The following STXBP5L variants were observed in gnomAD, a reference collection of about 807,000 sequenced individuals.
STXBP5L encodes syntaxin binding protein 5L.
STXBP5L carries 65 observed loss-of-function variants against 144.5 expected under a neutral mutation model. That is an observed-to-expected ratio of 0.45 (90% CI 0.37 to 0.55). The LOEUF (loss-of-function observed/expected upper bound fraction) is 0.55. STXBP5L is among the 20% of genes least tolerant of loss of function. The pLI is 0.00. For missense variants in STXBP5L, 1,298 were observed against 1,405.5 expected, an observed-to-expected ratio of 0.92 and a Z score of 1.22; for synonymous variants, 505 against 469.6, an observed-to-expected ratio of 1.08 and a Z score of -0.97.
At chr3:121,374,791 G>A (rs1251906648) in intron 20 of STXBP5L, among the ~76,000 whole-genome samples, 2 of 151,946 alleles carry the variant, frequency 1.3e-5, no homozygotes, top group Admixed American at 6.6e-5. Flanking sequence ...GTGGAGGGAG[G>A]AAAAGAGGGA....
At chr3:121,409,213 T>A (rs182923869) in intron 23 of STXBP5L, among the ~76,000 whole-genome samples, 4 of 151,932 alleles carry the variant, frequency 2.6e-5, no homozygotes, top group Admixed American at 1.3e-4. Context: ...GGATAGAAAC[T>A]TGGGGGTATT....
At chr3:120,995,901 C>G (rs1307070393) in intron 3 of STXBP5L, among the ~76,000 whole-genome samples, 1 of 152,092 alleles carries the variant, frequency 6.6e-6, no homozygotes, top group Non-Finnish European at 1.5e-5. Flanking sequence ...CATTTCCTTT[C>G]TGCTGGGGAA....
chr3:120,998,457 C>A (rs1576614493), intron 3 of STXBP5L, among the ~76,000 whole-genome samples: 1 of 151,938 alleles, frequency 6.6e-6, no homozygotes, highest in South Asian at 2.1e-4. Flanking sequence ...TAGGTATACA[C>A]GTGCCATGGT....
chr3:121,201,174 T>A (rs2108212814), intron 9 of STXBP5L, among the ~76,000 whole-genome samples: 1 of 152,304 alleles, frequency 6.6e-6, no homozygotes, highest in South Asian at 2.1e-4. Context: ...GTATATTGGC[T>A]CATATCCCAG....
chr3:120,938,434 G>A (rs778825443), intron 2 of STXBP5L, among the ~76,000 whole-genome samples: 5 of 152,236 alleles, frequency 3.3e-5, no homozygotes, highest in Non-Finnish European at 7.4e-5. Context: ...TCCTAGGAGA[G>A]CAACTTCACA....
At chr3:121,212,644 G>A (rs1482353636) in intron 10 of STXBP5L, among the ~76,000 whole-genome samples, 1 of 152,130 alleles carries the variant, frequency 6.6e-6, no homozygotes, top group Non-Finnish European at 1.5e-5. Flanking sequence ...AAGTCAGGTA[G>A]CATGATGCCT....
chr3:121,154,337 C>T (rs2046043191), intron 8 of STXBP5L, among the ~76,000 whole-genome samples: 1 of 151,768 alleles, frequency 6.6e-6, no homozygotes, highest in South Asian at 2.1e-4. Context: ...ATCTAGAAAG[C>T]ATGCTTAATA....
At chr3:121,307,705 C>T (rs1391680587) in intron 19 of STXBP5L, among the ~76,000 whole-genome samples, 1 of 151,708 alleles carries the variant, frequency 6.6e-6, no homozygotes, top group East Asian at 1.9e-4. Flanking sequence ...CCAACATATA[C>T]ATAATAGGAT....
chr3:120,968,245 A>AG (rs1228240077), intron 3 of STXBP5L, among the ~76,000 whole-genome samples: 3 of 152,062 alleles, frequency 2.0e-5, no homozygotes, highest in African/African-American at 7.2e-5. Flanking sequence ...CTCTCTCTTT[A>AG]GGTCTGTTAA....
intron 19 of STXBP5L, among the ~76,000 whole-genome samples, chr3:121,287,585 C>G (rs547841002): frequency 6.6e-6 from 1 of 151,916 alleles, no homozygotes; most frequent in Non-Finnish European, 1.5e-5. Context: ...AATCCCAGCA[C>G]TTTGGGAGGC....
intron 19 of STXBP5L, among the ~76,000 whole-genome samples, chr3:121,280,534 G>A (rs1055523879): frequency 6.6e-6 from 1 of 151,820 alleles, no homozygotes; most frequent in Non-Finnish European, 1.5e-5. Context: ...ATAAATCGAT[G>A]TATTTAACTA....
chr3:121,034,396 T>A (rs1197434059), intron 3 of STXBP5L, among the ~76,000 whole-genome samples: 1 of 152,178 alleles, frequency 6.6e-6, no homozygotes, highest in African/African-American at 2.4e-5. Context: ...TTTCACAGTT[T>A]CTGAGTTGAT....
At chr3:120,955,865 A>C (rs568697684) in intron 3 of STXBP5L, among the ~76,000 whole-genome samples, 9 of 152,180 alleles carry the variant, frequency 5.9e-5, no homozygotes, top group African/African-American at 2.2e-4. Context: ...CCACTTCAAA[A>C]ATGTTATATA....
intron 3 of STXBP5L, among the ~76,000 whole-genome samples, chr3:121,004,958 T>G (rs1312097657): frequency 6.6e-6 from 1 of 152,180 alleles, no homozygotes; most frequent in Non-Finnish European, 1.5e-5. Flanking sequence ...TTTGCCAGTA[T>G]TTTGTTGAGG....
intron 20 of STXBP5L, among the ~76,000 whole-genome samples, chr3:121,351,433 G>A (rs962516560): frequency 6.6e-6 from 1 of 152,110 alleles, no homozygotes; most frequent in Non-Finnish European, 1.5e-5. Context: ...GGCAGTCTGT[G>A]TGTTCTCAAA....
intron 11 of STXBP5L, among the ~76,000 whole-genome samples, chr3:121,228,602 T>C (rs2049197759): frequency 6.6e-6 from 1 of 152,152 alleles, no homozygotes; most frequent in African/African-American, 2.4e-5. Flanking sequence ...GTTGGCTGGG[T>C]GCAGTGGCTC....
At chr3:121,212,646 A>T (rs963682502) in intron 10 of STXBP5L, among the ~76,000 whole-genome samples, 2 of 152,086 alleles carry the variant, frequency 1.3e-5, no homozygotes, top group African/African-American at 4.8e-5. Context: ...GTCAGGTAGC[A>T]TGATGCCTCC....
In STXBP5L at chr3:121,391,901, T is replaced by G. The variant is rs564264134; in HGVS notation, c.2587+10369T>G. 7.9e-5 allele frequency among the ~76,000 whole-genome samples: 12 copies of G among 152,318 alleles called. No individual in the cohort carries two copies. In the South Asian group the frequency reaches 1.9e-3, roughly 24 times the overall value. On this transcript the variant is annotated intron_variant, in intron 22 of 26. Coordinates refer to ENST00000471454, the MANE Select transcript of STXBP5L (RefSeq NM_001308330.2). ...GAGGCAGTCTGTCTGTTCTCAGAGC[T>G]CAAACACCATGCTGGGAGAACCACT... is the stretch of plus-strand genomic sequence containing the variant.
chr3:120,965,701 C>G (rs1419503777), intron 3 of STXBP5L, among the ~76,000 whole-genome samples: 1 of 152,096 alleles, frequency 6.6e-6, no homozygotes, highest in Admixed American at 6.6e-5. Context: ...CTCTGGCTGC[C>G]CTTAACATTT....
Sources: gnomAD v4.1 joint callset for allele counts (sites outside exome capture counted in the v4.1 genomes callset) on GRCh38, gnomAD v4.1.1 for gene constraint, MANE v1.5 for transcripts, NCBI Gene and HGNC (gene_info 2026-07-23, HGNC 2026-07-21) for gene names.